Variants in NRXN2 observed in about 807,000 individuals in gnomAD.
The protein encoded by NRXN2 is neurexin-2-beta.
In NRXN2, 29 loss-of-function variants were observed where a neutral mutation model predicts 128.8. The observed-to-expected ratio is 0.23, with a 90% CI of 0.17 to 0.31. The LOEUF (loss-of-function observed/expected upper bound fraction) is 0.31. Ranked by LOEUF, NRXN2 falls within the 10% of genes least tolerant of loss-of-function variation. The pLI is 1.00. For synonymous variants in NRXN2, 1,098 were observed against 1,075.2 expected, an observed-to-expected ratio of 1.02 and a Z score of -0.41; for missense variants, 1,881 against 2,452.6, an observed-to-expected ratio of 0.77 and a Z score of 4.92.
chr11:64,713,976 G>C lies in NRXN2; in HGVS notation c.-244-33C>G, dbSNP rs552947835. The C allele has an allele frequency of 1.0e-3, 156 of 155,346 alleles. 1 individual carries two copies. Among genetic ancestry groups the C allele is most frequent in the African/African-American group, 3.7e-3 (152 of 41,630 alleles). The allele number at this position is 155,346 out of a possible 1,614,324, so 9.6% of individuals were successfully genotyped here. A position where few individuals can be genotyped will look rare whatever the true frequency, so the allele number is the denominator to read the frequency against. ...AGAACAGAGAGGAAAGGGTTAATGA[G>C]AACAGAGAGGAAAGGTCCAACGAGA... is the stretch of plus-strand genomic sequence containing the variant. On this transcript the variant is annotated intron_variant, in intron 1 of 22. Coordinates refer to ENST00000265459, the MANE Select transcript of NRXN2 (RefSeq NM_015080.4).
At position 64,630,260 on chromosome 11, in the gene NRXN2, T is replaced by G. The variant is rs568022174; in HGVS notation, c.3757+142A>C. On this transcript the variant is annotated intron_variant, in intron 19 of 22. Transcript: ENST00000265459. This position sits in a 1 kb window ranked among gnomAD's most constrained non-coding sequence, Gnocchi z 4.6. ...CCTGCCCTAGTCCCGCCTCGCAAGC[T>G]TCGTCTCTCCAGTAGCCCCGCCCCA... 19 of 773,650 alleles carry G rather than the reference T, an allele frequency of 2.5e-5. No individual in the cohort carries two copies. The highest frequency in any genetic ancestry group is 1.8e-4 in the African/African-American group (10 of 55,046). The allele number at this position is 773,650 out of a possible 1,614,324, so 47.9% of individuals were successfully genotyped here.
In NRXN2 at chr11:64,668,519, TAGA is replaced by T. The variant is rs772782135; in HGVS notation, c.1280_1282del (p.Phe427del). 3.7e-6 allele frequency: 6 copies of T among 1,614,002 alleles called. No homozygotes were observed. Among genetic ancestry groups the T allele is most frequent in the East Asian group, 4.5e-5 (2 of 44,866 alleles). ...AGCTGTGTTGGGGCTGCCCCCAATG[TAGA>T]AGAAGTCATCAGAGCCCAGCATGGT... is the stretch of plus-strand genomic sequence containing the variant. On this transcript the variant is annotated inframe_deletion, in exon 8 of 23. Coordinates refer to ENST00000265459, the MANE Select transcript of NRXN2 (RefSeq NM_015080.4).
At position 64,607,513 on chromosome 11, in the gene NRXN2, G is replaced by T; in HGVS notation, c.4822C>A (p.His1608Asn). The T allele has an allele frequency of 6.3e-7, 1 of 1,588,150 alleles. No homozygotes were observed. Among genetic ancestry groups the T allele is most frequent in the Non-Finnish European group, 8.5e-7 (1 of 1,170,020 alleles). The change falls in exon 23 of 23, where the codon CAT becomes AAT. Residue 1608 changes from histidine to asparagine, a missense_variant. By Grantham distance (68) the His-to-Asn change is moderately conservative (BLOSUM62 1). Transcript: ENST00000265459. ...CCTGTGGGGTTGGCTGTGGGCAGAT[G>T]GGGGAAGCCGGGGGCTGAGGTCACG... is the stretch of plus-strand genomic sequence containing the variant. ...PGVTSAPGFP[H>N]LPTANPTGPG...
At position 64,630,318 on chromosome 11, in the gene NRXN2, C is replaced by T. The variant is rs1438475926; in HGVS notation, c.3757+84G>A. The T allele has an allele frequency of 3.0e-6, 4 of 1,352,088 alleles. No homozygotes were observed. The East Asian group carries it at 7.5e-5, about 25-fold the overall frequency. 83.8% of individuals were successfully genotyped at this position (1,352,088 alleles called of 1,614,324 possible). Reference sequence around the variant, plus strand: ...TTAGCCCCGCCCCAGAGCCGCTTAGCCCCGCCCCGGTGCGGCCGCACTCCT... The same window carrying T: ...TTAGCCCCGCCCCAGAGCCGCTTAGTCCCGCCCCGGTGCGGCCGCACTCCT... On this transcript the variant is annotated intron_variant, in intron 19 of 22. Coordinates refer to ENST00000265459, the MANE Select transcript of NRXN2 (RefSeq NM_015080.4). This position sits in a 1 kb window ranked among gnomAD's most constrained non-coding sequence, Gnocchi z 4.6.
At chr11:64,710,277 A>G (rs1443461521) in intron 2 of NRXN2, among the ~76,000 whole-genome samples, 1 of 152,086 alleles carries the variant, frequency 6.6e-6, no homozygotes, top group Non-Finnish European at 1.5e-5. Context: ...TGGGTCAGAT[A>G]CATATATTCA....
In NRXN2 at chr11:64,685,512, C is replaced by T. The variant is rs560358780; in HGVS notation, c.1152+134G>A. 1.0e-4 allele frequency: 121 copies of T among 1,210,822 alleles called. No individual in the cohort carries two copies. The East Asian group carries it at 2.6e-3, about 26-fold the overall frequency. 75.0% of individuals were successfully genotyped at this position (1,210,822 alleles called of 1,614,324 possible). On this transcript the variant is annotated intron_variant, in intron 6 of 22. Coordinates refer to ENST00000265459, the MANE Select transcript of NRXN2 (RefSeq NM_015080.4). ...TGTCGGGACCCTCACAGCCCCAACT[C>T]CTGTTCTTCTCCAGAACCACACCTC... is the stretch of plus-strand genomic sequence containing the variant.
At chr11:64,655,019 T>C (rs1022615994) in intron 11 of NRXN2, among the ~76,000 whole-genome samples, 1 of 152,188 alleles carries the variant, frequency 6.6e-6, no homozygotes, top group East Asian at 1.9e-4. Context: ...CGGCCCTCGA[T>C]TGACAGGCCC....
chr11:64,676,603 G>T, intron 7 of NRXN2: 1 of 235,324 alleles, frequency 4.2e-6, no homozygotes, highest in Non-Finnish European at 8.2e-6. Context: ...AAAAACAAGG[G>T]AGGGGAGGGA....
intron 22 of NRXN2, 146 bp from the exon 23 acceptor site, chr11:64,608,228 C>T: frequency 2.9e-6 from 2 of 690,472 alleles, no homozygotes; most frequent in South Asian, 3.4e-5. Context: ...TGGGCCCGCC[C>T]GCCAGCCGGC....
intron 15 of NRXN2, 22 bp downstream of exon 15, chr11:64,650,423 CCTT>C: frequency 6.2e-7 from 1 of 1,613,234 alleles, no homozygotes; most frequent in Non-Finnish European, 8.5e-7. Flanking sequence ...TAGGGCCAGG[CCTT>C]CTCCAGAGGC....
rs1466390378 is a variant in NRXN2, at chr11:64,648,916, G to C, written c.3110-9C>G. The C allele has an allele frequency of 1.2e-6, 2 of 1,613,958 alleles. No individual in the cohort carries two copies. The highest frequency in any genetic ancestry group is 2.7e-5 in the African/African-American group (2 of 74,890). On this transcript the variant is annotated splice_polypyrimidine_tract_variant and intron_variant, in intron 15 of 22. Transcript: ENST00000265459. The surrounding 1 kb of genome is among the most constrained non-coding windows in gnomAD (Gnocchi z 4.1). Reference sequence around the variant, plus strand: ...GCCAATGTACAACTCCCCTGCAAAGGGAGTGGGTCAACCAAGGCATCCAGG... The same window carrying C: ...GCCAATGTACAACTCCCCTGCAAAGCGAGTGGGTCAACCAAGGCATCCAGG...
chr11:64,651,120 A>T lies in NRXN2; in HGVS notation c.2918+135T>A. 8.1e-7 allele frequency: 1 copy of T among 1,227,906 alleles called. No homozygotes were observed. Among genetic ancestry groups the T allele is most frequent in the Non-Finnish European group, 1.2e-6 (1 of 852,992 alleles). The allele number at this position is 1,227,906 out of a possible 1,614,324, so 76.1% of individuals were successfully genotyped here. A position where few individuals can be genotyped will look rare whatever the true frequency, so the allele number is the denominator to read the frequency against. Reference sequence around the variant, plus strand: ...GGCTGAAGAGGGAGCCTCTCGACTTACGGTCGGGGACCTGAATCTTGACTT... The same window carrying T: ...GGCTGAAGAGGGAGCCTCTCGACTTTCGGTCGGGGACCTGAATCTTGACTT... On this transcript the variant is annotated intron_variant, in intron 14 of 22. Transcript: ENST00000265459. The surrounding 1 kb of genome is among the most constrained non-coding windows in gnomAD (Gnocchi z 5.9).
chr11:64,661,373 CAGAATG>C (rs1388099666), intron 9 of NRXN2: 2 of 1,431,116 alleles, frequency 1.4e-6, no homozygotes, highest in African/African-American at 2.9e-5. Context: ...AGCCCAGCTG[CAGAATG>C]CTGTGGGCCT....
chr11:64,649,882 C>T (rs1416730614), intron 15 of NRXN2, among the ~76,000 whole-genome samples: 2 of 152,106 alleles, frequency 1.3e-5, no homozygotes, highest in African/African-American at 4.8e-5. Flanking sequence ...CTCTCAGTCA[C>T]CCATTCTGGG....
intron 3 of NRXN2, among the ~76,000 whole-genome samples, chr11:64,697,215 G>C (rs2054671453): frequency 6.6e-6 from 1 of 152,152 alleles, no homozygotes; most frequent in South Asian, 2.1e-4. Flanking sequence ...CAAGTGGCAA[G>C]TGCTGGTCAC....
At chr11:64,678,729 G>C (rs1233076091) in intron 6 of NRXN2, among the ~76,000 whole-genome samples, 3 of 152,078 alleles carry the variant, frequency 2.0e-5, no homozygotes, top group Non-Finnish European at 4.4e-5. Context: ...CTTTAATTAA[G>C]AGTATTAGAG....
Position 64,622,837 on chromosome 11 carries a change from G to A in NRXN2, c.4089C>T (p.Thr1363=). The A allele has an allele frequency of 6.2e-7, 1 of 1,612,698 alleles. No individual in the cohort carries two copies. The highest frequency in any genetic ancestry group is 8.5e-7 in the Non-Finnish European group (1 of 1,179,930). ...TATTLLADMA[T]TIMETTTTMA... is the part of the protein sequence containing the mutation. The stretch of plus-strand genomic sequence containing the variant: ...TGGTGGTGGTAGTCTCCATGATGGT[G>A]GTGGCCATGTCAGCCAGCAGGGTGG... Residue 1363 remains threonine (T), a synonymous_variant, in exon 21 of 23, where the codon ACC becomes ACT. Transcript: ENST00000265459. The surrounding 1 kb of genome is among the most constrained non-coding windows in gnomAD (Gnocchi z 4.3).
chr11:64,652,906 C>T (rs1204379796), intron 12 of NRXN2, among the ~76,000 whole-genome samples: 1 of 152,074 alleles, frequency 6.6e-6, no homozygotes, highest in Non-Finnish European at 1.5e-5. Flanking sequence ...GACTTTGCAG[C>T]ACTCTCTGGT....
At chr11:64,655,132 T>C (rs2048065499) in intron 11 of NRXN2, among the ~76,000 whole-genome samples, 1 of 152,106 alleles carries the variant, frequency 6.6e-6, no homozygotes, top group African/African-American at 2.4e-5. Flanking sequence ...CCCCTGAAGG[T>C]TCCTGCAGTG....
Sources: allele counts gnomAD v4.1 joint callset (sites outside exome capture counted in the v4.1 genomes callset), GRCh38; gene constraint gnomAD v4.1.1; non-coding constraint Gnocchi (gnomAD v3.1); transcripts MANE v1.5; gene names NCBI Gene and HGNC (gene_info 2026-07-23, HGNC 2026-07-21).